Variants in PLCB1 observed in about 807,000 individuals in gnomAD.
PLCB1 encodes the protein 1-phosphatidylinositol 4,5-bisphosphate phosphodiesterase beta-1.
PLCB1 carries 46 observed loss-of-function variants against 161.8 expected under a neutral mutation model. That is an observed-to-expected ratio of 0.28 (90% CI 0.22 to 0.36). PLCB1 has a LOEUF of 0.36. Ranked by LOEUF, PLCB1 falls within the 10% of genes least tolerant of loss-of-function variation. PLCB1 has a pLI of 1.00. For missense variants in PLCB1, 1,016 were observed against 1,472.5 expected (o/e 0.69, Z 5.07); for synonymous variants, 517 against 503.7 (o/e 1.03, Z -0.35).
chr20:8,701,906 G>A (rs6118294), intron 11 of PLCB1, among the ~76,000 whole-genome samples: 10,365 of 152,226 alleles, frequency 0.068, 407 homozygotes, highest in African/African-American at 0.1. Flanking sequence ...GCCAGTTTTA[G>A]CTGCCCTGAA....
intron 3 of PLCB1, among the ~76,000 whole-genome samples, chr20:8,584,676 T>A (rs1385920561): frequency 6.7e-6 from 1 of 149,780 alleles, no homozygotes; most frequent in Non-Finnish European, 1.5e-5. Context: ...ATAGTATCCC[T>A]TGATTCTTAT....
intron 3 of PLCB1, among the ~76,000 whole-genome samples, chr20:8,469,083 C>G (rs79350060): frequency 6.6e-6 from 1 of 152,238 alleles, no homozygotes; most frequent in East Asian, 1.9e-4. Context: ...ATGGACCACA[C>G]TTTGAGTAGC....
chr20:8,878,330 G>T (rs926291338), intron 31 of PLCB1, among the ~76,000 whole-genome samples: 6 of 151,922 alleles, frequency 3.9e-5, no homozygotes. Flanking sequence ...TGATGATGAG[G>T]TCTGAATGGT....
chr20:8,233,143 A>G lies in PLCB1; in HGVS notation c.177+82772A>G, dbSNP rs538252726. Reference sequence around the variant, plus strand: ...GATCCTACTTATCACAAAACCGTGAAGCTTTGTTACAGTCATTTATTCAAT... The same window carrying G: ...GATCCTACTTATCACAAAACCGTGAGGCTTTGTTACAGTCATTTATTCAAT... On this transcript the variant is annotated intron_variant, in intron 2 of 31. Transcript: ENST00000338037. 1.6e-4 allele frequency among the ~76,000 whole-genome samples: 25 copies of G among 152,274 alleles called. No individual in the cohort carries two copies. In the South Asian group the frequency reaches 5.2e-3, roughly 32 times the overall value.
intron 1 of PLCB1, among the ~76,000 whole-genome samples, chr20:8,149,365 C>T (rs2051485796): frequency 6.6e-6 from 1 of 152,042 alleles, no homozygotes; most frequent in Non-Finnish European, 1.5e-5. Context: ...TACAATAAAA[C>T]TTAATATGTA....
At chr20:8,159,511 G>T (rs113396971) in intron 2 of PLCB1, among the ~76,000 whole-genome samples, 6,599 of 152,178 alleles carry the variant, frequency 0.043, 181 homozygotes, top group South Asian at 0.12. Flanking sequence ...TTAACATTTG[G>T]CTTCTTGTTA....
intron 3 of PLCB1, among the ~76,000 whole-genome samples, chr20:8,578,008 T>C (rs995420372): frequency 1.3e-5 from 2 of 152,182 alleles, no homozygotes; most frequent in Non-Finnish European, 2.9e-5. Flanking sequence ...CTTCAGCCCA[T>C]AGGGATCTCT....
intron 2 of PLCB1, among the ~76,000 whole-genome samples, chr20:8,152,413 A>AT (rs756300858): frequency 1.8e-4 from 28 of 152,182 alleles, no homozygotes; most frequent in Non-Finnish European, 2.9e-4. Flanking sequence ...ACTCCAAGTG[A>AT]TGAATTAGAG....
chr20:8,508,785 G>A (rs1983752060), intron 3 of PLCB1, among the ~76,000 whole-genome samples: 1 of 151,748 alleles, frequency 6.6e-6, no homozygotes, highest in Admixed American at 6.6e-5. Context: ...TATATGCTTT[G>A]AATTATATAT....
In PLCB1 at chr20:8,159,870, C is replaced by A. The variant is rs1352035095; in HGVS notation, c.177+9499C>A. Among the ~76,000 whole-genome samples the A allele has an allele frequency of 2.6e-5, 4 of 151,750 alleles. No individual in the cohort carries two copies. In the South Asian group the frequency reaches 8.3e-4, roughly 32 times the overall value. ...GGCAGGGTGGCACATGCCTGTAATC[C>A]CAGCTACCTGGGAAGGCTGAGGCAG... On this transcript the variant is annotated intron_variant, in intron 2 of 31. Coordinates refer to ENST00000338037, the MANE Select transcript of PLCB1 (RefSeq NM_015192.4).
rs59182565 is a variant in PLCB1, at chr20:8,562,046, G to A, written c.247-66248G>A. Among the ~76,000 whole-genome samples the A allele has an allele frequency of 7.9e-3, 1,208 of 152,054 alleles. 20 individuals are homozygous for A. The highest frequency in any genetic ancestry group is 0.028 in the African/African-American group (1,158 of 41,514). On this transcript the variant is annotated intron_variant, in intron 3 of 31. Transcript: ENST00000338037. ...ACCCTCCCTTGAGTAAAAAAAGATA[G>A]AGAAGAGCAAACGGTCTTCGCTAAG...
rs143063329 is a variant in PLCB1, at chr20:8,298,120, C to T, written c.178-73262C>T. On this transcript the variant is annotated intron_variant, in intron 2 of 31. Coordinates refer to ENST00000338037, the MANE Select transcript of PLCB1 (RefSeq NM_015192.4). ...GACCAGCCTGAACAACATAGTGAGA[C>T]CCTGTTTCTACCAAAAATAATTAAA... is the stretch of plus-strand genomic sequence containing the variant. Among the ~76,000 whole-genome samples, 1,022 of 151,716 alleles carry T rather than the reference C, an allele frequency of 6.7e-3. 5 individuals are homozygous for T. The highest frequency in any genetic ancestry group is 0.011 in the Non-Finnish European group (742 of 67,890).
intron 2 of PLCB1, among the ~76,000 whole-genome samples, chr20:8,357,565 C>G: frequency 6.6e-6 from 1 of 151,916 alleles, no homozygotes; most frequent in Admixed American, 6.6e-5. Flanking sequence ...CCTGTAATCC[C>G]AGCACTCTGG....
At chr20:8,615,540 C>T (rs150876055) in intron 3 of PLCB1, among the ~76,000 whole-genome samples, 2 of 152,140 alleles carry the variant, frequency 1.3e-5, no homozygotes, top group African/African-American at 2.4e-5. Context: ...TGAGATTTAT[C>T]CAAAATGTGT....
intron 3 of PLCB1, among the ~76,000 whole-genome samples, chr20:8,528,030 G>A (rs1984651787): frequency 6.6e-6 from 1 of 151,796 alleles, no homozygotes; most frequent in Admixed American, 6.6e-5. Flanking sequence ...GTCTAATAAT[G>A]TGGTAACAAT....
At chr20:8,169,196 G>C (rs1049670326) in intron 2 of PLCB1, among the ~76,000 whole-genome samples, 2 of 152,108 alleles carry the variant, frequency 1.3e-5, no homozygotes, top group Admixed American at 6.5e-5. Context: ...TCAGCCTACT[G>C]CCATCTCTTT....
chr20:8,207,730 A>G (rs1035306206), intron 2 of PLCB1, among the ~76,000 whole-genome samples: 1 of 152,008 alleles, frequency 6.6e-6, no homozygotes, highest in African/African-American at 2.4e-5. Flanking sequence ...AGAGTCATGC[A>G]CCACAACGCC....
intron 2 of PLCB1, among the ~76,000 whole-genome samples, chr20:8,341,546 TG>T (rs1424896017): frequency 6.6e-6 from 1 of 152,190 alleles, no homozygotes; most frequent in Non-Finnish European, 1.5e-5. Context: ...CAGATCTTCA[TG>T]GGGATGTTTC....
intron 31 of PLCB1, among the ~76,000 whole-genome samples, chr20:8,862,674 A>C (rs975558043): frequency 2.6e-5 from 4 of 152,234 alleles, no homozygotes; most frequent in African/African-American, 7.2e-5. Context: ...CAAACATTTC[A>C]TAAACAAGTC....
Sources: gnomAD v4.1 joint callset for allele counts (sites outside exome capture counted in the v4.1 genomes callset) on GRCh38, gnomAD v4.1.1 for gene constraint, MANE v1.5 for transcripts, NCBI Gene and HGNC (gene_info 2026-07-23, HGNC 2026-07-21) for gene names.